DCBLD1: variants seen among roughly 807,000 people sequenced by gnomAD.
The protein encoded by DCBLD1 is discoidin, CUB and LCCL domain-containing protein 1.
In DCBLD1, 57 loss-of-function variants were observed where a neutral mutation model predicts 71.5. That is an observed-to-expected ratio of 0.80 (90% CI 0.64 to 0.99). The LOEUF (loss-of-function observed/expected upper bound fraction) is 0.99, where lower values mean the gene tolerates loss of function less well. Among genes scored for constraint, DCBLD1 ranks in the 50% least tolerant of loss-of-function variants. The pLI is 0.00. For missense variants in DCBLD1, 891 were observed against 923.5 expected (o/e 0.96, Z 0.46); for synonymous variants, 380 against 363.8 (o/e 1.04, Z -0.51).
intron 14 of DCBLD1, among the ~76,000 whole-genome samples, chr6:117,555,891 C>T (rs374159218): frequency 6.7e-4 from 102 of 152,216 alleles, no homozygotes; most frequent in African/African-American, 2.3e-3. Context: ...TATATTTCCC[C>T]TTTCCTTCTT....
chr6:117,529,790 T>C (rs1396421615), intron 5 of DCBLD1, among the ~76,000 whole-genome samples: 1 of 152,186 alleles, frequency 6.6e-6, no homozygotes, highest in Admixed American at 6.5e-5. Context: ...ACAATTAATA[T>C]TAAAAGAAAT....
intron 5 of DCBLD1, among the ~76,000 whole-genome samples, chr6:117,527,384 T>C (rs1778578913): frequency 6.6e-6 from 1 of 152,176 alleles, no homozygotes; most frequent in Non-Finnish European, 1.5e-5. Context: ...CGTTCAGTTG[T>C]AGCAAGTCTT....
Position 117,482,841 on chromosome 6 carries a change from G to T in DCBLD1, c.60G>T (p.Leu20=), listed in dbSNP as rs536142547. ...CGCGGGCTGCCGGGCGGGGCCTCCT[G>T]GCTTTGCTGCTCGCGGTCTCCGCCC... ...ALARAAGRGL[L]ALLLAVSAPL... The change falls in exon 1 of 15, where the codon CTG becomes CTT. Residue 20 remains leucine, a synonymous_variant. Coordinates refer to ENST00000338728, the MANE Select transcript of DCBLD1 (RefSeq NM_001366458.2). 27 of 1,180,148 alleles carry T rather than the reference G, an allele frequency of 2.3e-5. No individual in the cohort carries two copies. The African/African-American group carries it at 4.2e-4, about 18-fold the overall frequency. 73.1% of individuals were successfully genotyped at this position (1,180,148 alleles called of 1,614,324 possible).
chr6:117,554,669 C>T (rs191807846), downstream of DCBLD1, among the ~76,000 whole-genome samples: 5 of 152,074 alleles, frequency 3.3e-5, no homozygotes, highest in East Asian at 1.9e-4. Flanking sequence ...CTGAGGCGGG[C>T]GGATCATGAG....
rs553250314 is a variant in DCBLD1 at position 117,491,134 on chromosome 6, T to C, written c.112+8241T>C. Among the ~76,000 whole-genome samples the C allele has an allele frequency of 2.0e-4, 30 of 152,354 alleles. No individual in the cohort carries two copies. The South Asian group carries it at 5.8e-3, about 29-fold the overall frequency. On this transcript the variant is annotated intron_variant, in intron 1 of 14. Transcript: ENST00000338728. ...AGTGGATTTAATTCAGCCTTTTTATTGCTTTTCACAAAAGCAAGTTTACCT... is the reference window on the plus strand; with the variant it reads ...AGTGGATTTAATTCAGCCTTTTTATCGCTTTTCACAAAAGCAAGTTTACCT...
Position 117,482,824 on chromosome 6 carries a change from G to T in DCBLD1, c.43G>T (p.Ala15Ser), listed in dbSNP as rs1051771967. ...CGGCGGCGGCGCACTGGCGCGGGCT[G>T]CCGGGCGGGGCCTCCTGGCTTTGCT... ...ARGGGALARAAGRGLLALLLA... is the reference protein window; with the variant it reads ...ARGGGALARASGRGLLALLLA... Residue 15 changes from alanine to serine, a missense_variant, in exon 1 of 15, where the codon GCC (alanine) becomes TCC (serine). Ala to Ser is a moderately conservative substitution (Grantham distance 99). Coordinates refer to ENST00000338728, the MANE Select transcript of DCBLD1 (RefSeq NM_001366458.2). The T allele has an allele frequency of 8.0e-5, 93 of 1,165,856 alleles. No individual in the cohort carries two copies. The highest frequency in any genetic ancestry group is 9.4e-5 in the Non-Finnish European group (89 of 946,746). The allele number at this position is 1,165,856 out of a possible 1,614,324, so 72.2% of individuals were successfully genotyped here.
At chr6:117,515,424 A>T (rs780756053) in intron 2 of DCBLD1, among the ~76,000 whole-genome samples, 5 of 152,110 alleles carry the variant, frequency 3.3e-5, no homozygotes, top group Non-Finnish European at 7.4e-5. Flanking sequence ...GGGTTAATAT[A>T]AAAAAATGTG....
At chr6:117,552,275 T>C (rs1349049904), downstream of DCBLD1, among the ~76,000 whole-genome samples, 1 of 152,234 alleles carries the variant, frequency 6.6e-6, no homozygotes, top group East Asian at 1.9e-4. Flanking sequence ...GAATGGAAAT[T>C]ATTATAAAAG....
chr6:117,548,527 CGTGT>C lies in DCBLD1; in HGVS notation c.*91_*94del, dbSNP rs763182142. The C allele has an allele frequency of 1.0e-4, 154 of 1,521,814 alleles. No individual in the cohort carries two copies. Among genetic ancestry groups the C allele is most frequent in the Non-Finnish European group, 1.3e-4 (152 of 1,138,594 alleles). The allele number at this position is 1,521,814 out of a possible 1,614,324, so 94.3% of individuals were successfully genotyped here. ...AGGGAGCCTGCTGGTCCAGAGTGTG[CGTGT>C]GTATCGGTGTGTGTGTACACTTGCA... On this transcript the variant is annotated 3_prime_UTR_variant, in exon 15 of 15. Coordinates refer to ENST00000338728, the MANE Select transcript of DCBLD1 (RefSeq NM_001366458.2).
intron 14 of DCBLD1, among the ~76,000 whole-genome samples, chr6:117,556,281 T>C (rs986236374): frequency 8.5e-5 from 13 of 152,196 alleles, no homozygotes; most frequent in African/African-American, 3.1e-4. Context: ...ATATATTGCG[T>C]AGTGGTGGAG....
At chr6:117,554,151 T>A (rs1779466294), downstream of DCBLD1, among the ~76,000 whole-genome samples, 1 of 152,208 alleles carries the variant, frequency 6.6e-6, no homozygotes, top group Non-Finnish European at 1.5e-5. Flanking sequence ...TCCTAGTAGC[T>A]TTTAGTTGAT....
At chr6:117,547,474 C>T (rs1779304136) in intron 14 of DCBLD1, 2 of 463,004 alleles carry the variant, frequency 4.3e-6, no homozygotes, top group Non-Finnish European at 8.9e-6. Flanking sequence ...AGGCCCTGAC[C>T]TGTTGCTTTG....
intron 6 of DCBLD1, among the ~76,000 whole-genome samples, chr6:117,534,158 A>G (rs893256677): frequency 1.3e-5 from 2 of 152,206 alleles, no homozygotes; most frequent in Non-Finnish European, 2.9e-5. Context: ...AAGACAAATT[A>G]GTCTCTAAAT....
intron 1 of DCBLD1, among the ~76,000 whole-genome samples, chr6:117,493,769 A>G (rs1002595972): frequency 1.3e-5 from 2 of 152,178 alleles, no homozygotes; most frequent in Admixed American, 6.5e-5. Context: ...GCCCAGCCAC[A>G]TGGGCTGAGT....
chr6:117,542,994 C>T lies in DCBLD1; in HGVS notation c.1358-130C>T, dbSNP rs369249191. 69 of 760,578 alleles carry T rather than the reference C, an allele frequency of 9.1e-5. 2 individuals are homozygous for T. In the South Asian group the frequency reaches 1.2e-3, roughly 13 times the overall value. The allele number at this position is 760,578 out of a possible 1,614,324, so 47.1% of individuals were successfully genotyped here. ...TTTTGCTTTCCAATATCAGTAAATG[C>T]CTAACATGTATTCATTTTCCCCCTA... On this transcript the variant is annotated intron_variant, in intron 11 of 14. Transcript: ENST00000338728.
At chr6:117,484,542 T>A (rs1777018157) in intron 1 of DCBLD1, among the ~76,000 whole-genome samples, 19 of 152,086 alleles carry the variant, frequency 1.2e-4, no homozygotes, top group Non-Finnish European at 1.5e-5. Flanking sequence ...AGAGACAGGG[T>A]TTAGCCATAT....
rs1268658185 is a variant in DCBLD1, at chr6:117,549,104, G to A, written c.*665G>A. The A allele has an allele frequency of 4.5e-5, 44 of 985,892 alleles. No individual in the cohort carries two copies. The highest frequency in any genetic ancestry group is 5.2e-5 in the Non-Finnish European group (43 of 830,308). The allele number at this position is 985,892 out of a possible 1,614,324, so 61.1% of individuals were successfully genotyped here. A position where few individuals can be genotyped will look rare whatever the true frequency, so the allele number is the denominator to read the frequency against. ...GCAAAGAAACAACACCTCAGCAGCT[G>A]CCCGTTTCCTTAGTCTCCACTTCAG... On this transcript the variant is annotated 3_prime_UTR_variant, in exon 15 of 15. Transcript: ENST00000338728.
intron 1 of DCBLD1, among the ~76,000 whole-genome samples, chr6:117,498,219 G>A (rs1777531638): frequency 6.6e-6 from 1 of 152,132 alleles, no homozygotes; most frequent in African/African-American, 2.4e-5. Context: ...TTTTGTTCTT[G>A]TAAATTGTTT....
intron 2 of DCBLD1, among the ~76,000 whole-genome samples, chr6:117,508,525 A>G (rs1036140572): frequency 8.5e-5 from 13 of 152,184 alleles, no homozygotes; most frequent in African/African-American, 2.9e-4. Flanking sequence ...CATTCATACT[A>G]AAGATACTAC....
Sources: allele counts gnomAD v4.1 joint callset (sites outside exome capture counted in the v4.1 genomes callset), GRCh38; gene constraint gnomAD v4.1.1; transcripts MANE v1.5; gene names NCBI Gene and HGNC (gene_info 2026-07-23, HGNC 2026-07-21).